Variants in ASXL3 observed in about 807,000 individuals in gnomAD.
ASXL3 encodes the protein putative Polycomb group protein ASXL3.
In ASXL3, 34 loss-of-function variants were observed where a neutral mutation model predicts 170.6. That is an observed-to-expected ratio of 0.20 (90% CI 0.15 to 0.27). The LOEUF (loss-of-function observed/expected upper bound fraction) is 0.27, where lower values mean the gene tolerates loss of function less well. Among genes scored for constraint, ASXL3 ranks in the 10% least tolerant of loss-of-function variants. The pLI, the probability that ASXL3 is intolerant of heterozygous loss-of-function variation, is 1.00. For missense variants in ASXL3, 2,592 were observed against 2,695.3 expected (o/e 0.96, Z 0.85); for synonymous variants, 1,002 against 989.1 (o/e 1.01, Z -0.24).
At chr18:33,585,756 C>A (rs969364796) in intron 1 of ASXL3, among the ~76,000 whole-genome samples, 3 of 152,194 alleles carry the variant, frequency 2.0e-5, no homozygotes, top group African/African-American at 4.8e-5. Flanking sequence ...CTGAGGAATT[C>A]TCCAAGGCGG....
intron 5 of ASXL3, among the ~76,000 whole-genome samples, chr18:33,668,420 T>TC (rs2066291536): frequency 7.9e-6 from 1 of 127,062 alleles, no homozygotes; most frequent in South Asian, 2.7e-4. Flanking sequence ...AGAGCGAGAC[T>TC]CCATCTCAAA....
At chr18:33,633,171 A>G (rs1304018112) in intron 2 of ASXL3, among the ~76,000 whole-genome samples, 1 of 152,198 alleles carries the variant, frequency 6.6e-6, no homozygotes, top group Non-Finnish European at 1.5e-5. Flanking sequence ...CTTTCATTAG[A>G]AGGTAATTTG....
At chr18:33,608,929 G>A (rs146781177) in intron 2 of ASXL3, 6,201 of 592,140 alleles carry the variant, frequency 0.01, 52 homozygotes, top group Middle Eastern at 0.046. Flanking sequence ...ATTTACTGGC[G>A]TACAGGACAC....
chr18:33,666,396 G>A (rs903489384), intron 5 of ASXL3, among the ~76,000 whole-genome samples: 3 of 152,144 alleles, frequency 2.0e-5, no homozygotes, highest in Admixed American at 6.6e-5. Context: ...AGACTTTGAT[G>A]TGTAATAGAA....
chr18:33,731,684 G>C (rs2067448274), intron 8 of ASXL3, among the ~76,000 whole-genome samples: 1 of 152,038 alleles, frequency 6.6e-6, no homozygotes, highest in Non-Finnish European at 1.5e-5. Flanking sequence ...AATTATTTCT[G>C]TCTCCTACAC....
chr18:33,688,172 A>G (rs917213672), intron 8 of ASXL3, among the ~76,000 whole-genome samples: 1 of 152,202 alleles, frequency 6.6e-6, no homozygotes, highest in Non-Finnish European at 1.5e-5. Context: ...AATGGAATAT[A>G]CAAATTGGCC....
chr18:33,647,174 T>C (rs528414535), intron 4 of ASXL3, among the ~76,000 whole-genome samples: 2 of 152,164 alleles, frequency 1.3e-5, no homozygotes, highest in South Asian at 4.1e-4. Context: ...TGCAGAAATA[T>C]TGTATTTCAG....
chr18:33,682,935 T>A lies in ASXL3; in HGVS notation c.716-470T>A, dbSNP rs549614522. Among the ~76,000 whole-genome samples the A allele has an allele frequency of 1.1e-4, 17 of 152,302 alleles. No individual in the cohort carries two copies. The South Asian group carries it at 3.5e-3, about 32-fold the overall frequency. The stretch of plus-strand genomic sequence containing the variant: ...GAACCTTCTGAAATAATCCAGTGCT[T>A]AGTGCACTGCCTGACACATGAGGAA... On this transcript the variant is annotated intron_variant, in intron 7 of 11. Coordinates refer to ENST00000269197, the MANE Select transcript of ASXL3 (RefSeq NM_030632.3).
rs781443694 is a variant in ASXL3 at position 33,746,613 on chromosome 18, C to T, written c.*18C>T. The T allele has an allele frequency of 3.2e-6, 5 of 1,547,082 alleles. No homozygotes were observed. In the South Asian group the frequency reaches 3.6e-5, roughly 11 times the overall value. ...TACGATAAGAGCTGAGTGAAAGATG[C>T]AGTATCCCTTTTCCACACGGAAAAG... On this transcript the variant is annotated 3_prime_UTR_variant, in exon 12 of 12. Coordinates refer to ENST00000269197, the MANE Select transcript of ASXL3 (RefSeq NM_030632.3).
In ASXL3 at chr18:33,738,859, T is replaced by G. The variant is rs371386010; in HGVS notation, c.1455T>G (p.Asn485Lys). The G allele has an allele frequency of 1.4e-5, 23 of 1,613,648 alleles. No homozygotes were observed. In the South Asian group the frequency reaches 2.3e-4, roughly 16 times the overall value. Residue 485 changes from asparagine (N) to lysine (K), a missense_variant, in exon 11 of 12, where the codon AAT becomes AAG. Asn to Lys is a moderately conservative substitution (Grantham distance 94). Coordinates refer to ENST00000269197, the MANE Select transcript of ASXL3 (RefSeq NM_030632.3). ...CTGAGGAGGCTGAAAGTCTAACCAA[T>G]TCTCATGAAGAACCCCAAATAGCAC... ...EFSEEAESLT[N>K]SHEEPQIAPP...
At chr18:33,589,885 G>C (rs1464000399) in intron 1 of ASXL3, among the ~76,000 whole-genome samples, 4 of 152,082 alleles carry the variant, frequency 2.6e-5, no homozygotes, top group Non-Finnish European at 2.9e-5. Flanking sequence ...GCTTAATCCT[G>C]TGAGTAAGCT....
chr18:33,742,816 A>G, intron 11 of ASXL3, 72 bp from the exon 12 acceptor site: 1 of 1,486,750 alleles, frequency 6.7e-7, no homozygotes, highest in South Asian at 1.4e-5. Context: ...CCCTTGCATT[A>G]TCACATTCTA....
intron 2 of ASXL3, among the ~76,000 whole-genome samples, chr18:33,635,860 G>T (rs1009512362): frequency 6.6e-6 from 1 of 152,120 alleles, no homozygotes; most frequent in African/African-American, 2.4e-5. Context: ...ATCCATGATC[G>T]TAACAGCTTT....
At position 33,746,842 on chromosome 18, in the gene ASXL3, T is replaced by C. The variant is rs908997787; in HGVS notation, c.*247T>C. 1 of 522,532 alleles carries C rather than the reference T, an allele frequency of 1.9e-6. No homozygotes were observed. The highest frequency in any genetic ancestry group is 1.9e-5 in the African/African-American group (1 of 52,134). 32.4% of individuals were successfully genotyped at this position (522,532 alleles called of 1,614,324 possible). On this transcript the variant is annotated 3_prime_UTR_variant, in exon 12 of 12. Coordinates refer to ENST00000269197, the MANE Select transcript of ASXL3 (RefSeq NM_030632.3). ...TTCCTAGCTTTGGAAAGTTTCTATC[T>C]GTCCATGTGTATACAAGTCAATGCC...
intron 7 of ASXL3, among the ~76,000 whole-genome samples, chr18:33,674,518 A>G (rs1024668970): frequency 6.6e-5 from 10 of 152,234 alleles, no homozygotes; most frequent in Admixed American, 1.3e-4. Flanking sequence ...TGAAGTCAGT[A>G]GTACTTTCAA....
chr18:33,740,347 G>A lies in ASXL3; in HGVS notation c.2943G>A (p.Arg981=). 6.2e-7 allele frequency: 1 copy of A among 1,610,948 alleles called. No individual in the cohort carries two copies. Among genetic ancestry groups the A allele is most frequent in the Non-Finnish European group, 8.5e-7 (1 of 1,178,424 alleles). Residue 981 remains arginine (R), a synonymous_variant, in exon 11 of 12, where the codon AGG becomes AGA. Coordinates refer to ENST00000269197, the MANE Select transcript of ASXL3 (RefSeq NM_030632.3). The part of the protein sequence containing the change: ...SFGICKEKRA[R]IEDDQSTRNI... ...GAATCTGTAAGGAAAAGAGAGCTAG[G>A]ATAGAAGATGATCAGTCAACCCGGA...
chr18:33,661,857 T>A, intron 5 of ASXL3, 120 bp downstream of exon 5: 2 of 1,146,670 alleles, frequency 1.7e-6, no homozygotes, highest in Non-Finnish European at 2.4e-6. Flanking sequence ...CTGAATTCAA[T>A]CCCATCCATG....
At chr18:33,674,641 G>A (rs913588124) in intron 7 of ASXL3, among the ~76,000 whole-genome samples, 5 of 148,424 alleles carry the variant, frequency 3.4e-5, no homozygotes, top group Non-Finnish European at 5.9e-5. Context: ...TTTTTGAGAC[G>A]GAGTCTCGCT....
At chr18:33,634,649 TG>T (rs2145179471) in intron 2 of ASXL3, among the ~76,000 whole-genome samples, 1 of 152,298 alleles carries the variant, frequency 6.6e-6, no homozygotes, top group African/African-American at 2.4e-5. Context: ...TCTTGCCAAA[TG>T]CCTTTCCAAA....
Sources: allele counts gnomAD v4.1 joint callset (sites outside exome capture counted in the v4.1 genomes callset), GRCh38; gene constraint gnomAD v4.1.1; transcripts MANE v1.5; gene names NCBI Gene and HGNC (gene_info 2026-07-23, HGNC 2026-07-21).